Variants in C1orf21 observed in about 807,000 individuals in gnomAD.
The protein encoded by C1orf21 is uncharacterized protein C1orf21.
A neutral mutation model predicts 18.7 loss-of-function variants in C1orf21; 3 were observed. That is an observed-to-expected ratio of 0.16 (90% CI 0.07 to 0.42). The LOEUF is 0.42. C1orf21 is among the 10% of genes least tolerant of loss of function. The pLI, the probability that C1orf21 is intolerant of heterozygous loss-of-function variation, is 0.99. For synonymous variants in C1orf21, 41 were observed against 46.4 expected (o/e 0.88, Z 0.47); for missense variants, 104 against 143.6 (o/e 0.72, Z 1.41).
At chr1:184,612,224 C>T (rs1013356369) in intron 5 of C1orf21, among the ~76,000 whole-genome samples, 4 of 152,182 alleles carry the variant, frequency 2.6e-5, no homozygotes, top group East Asian at 1.9e-4. Context: ...CAAGAGCCTG[C>T]TTTATCACAA....
rs1245411893 is a variant in C1orf21 at position 184,623,872 on chromosome 1, A to G, written c.*4316A>G. The G allele has an allele frequency of 1.3e-5, 2 of 152,612 alleles. No homozygotes were observed. The highest frequency in any genetic ancestry group is 2.4e-5 in the African/African-American group (1 of 41,452). 9.5% of individuals were successfully genotyped at this position (152,612 alleles called of 1,614,324 possible). ...GGACAAACCTTAGGACTCACAAGCT[A>G]TGCCATGTTTTTCAGGAGACTCTTG... On this transcript the variant is annotated 3_prime_UTR_variant, in exon 6 of 6. Transcript: ENST00000235307.
At chr1:184,518,727 T>C (rs1341507212) in intron 3 of C1orf21, among the ~76,000 whole-genome samples, 1 of 152,116 alleles carries the variant, frequency 6.6e-6, no homozygotes, top group Non-Finnish European at 1.5e-5. Context: ...TTCAGTGTAC[T>C]CTCACTGCCA....
intron 4 of C1orf21, among the ~76,000 whole-genome samples, chr1:184,596,418 A>G (rs1659513355): frequency 1.3e-5 from 2 of 152,160 alleles, no homozygotes; most frequent in South Asian, 4.1e-4. Flanking sequence ...TGCTATATTC[A>G]AGGCAATATA....
intron 3 of C1orf21, among the ~76,000 whole-genome samples, chr1:184,549,742 C>T (rs1410677534): frequency 1.3e-5 from 2 of 151,922 alleles, no homozygotes; most frequent in Admixed American, 6.6e-5. Flanking sequence ...ATCACTTTTC[C>T]TTTTAATGAA....
intron 1 of C1orf21, among the ~76,000 whole-genome samples, chr1:184,418,998 A>C (rs750331946): frequency 5.3e-5 from 8 of 152,162 alleles, no homozygotes; most frequent in Non-Finnish European, 1.2e-4. Context: ...TTTTCTTTAC[A>C]TGAGTAAACT....
chr1:184,515,237 T>A lies in C1orf21; in HGVS notation c.189+7555T>A, dbSNP rs76954115. On this transcript the variant is annotated intron_variant, in intron 3 of 5. Transcript: ENST00000235307. Reference sequence around the variant, plus strand: ...GTGGTGGTTAAAGGGGATTTTTATCTTTAAACTTAATGCTTTTAATTTTTT... The same window carrying A: ...GTGGTGGTTAAAGGGGATTTTTATCATTAAACTTAATGCTTTTAATTTTTT... 9.9e-3 allele frequency among the ~76,000 whole-genome samples: 1,513 copies of A among 152,344 alleles called. 25 individuals are homozygous for A. Among genetic ancestry groups the A allele is most frequent in the African/African-American group, 0.033 (1,359 of 41,576 alleles).
chr1:184,466,737 A>T (rs1557979321), intron 1 of C1orf21, among the ~76,000 whole-genome samples: 1 of 150,444 alleles, frequency 6.6e-6, no homozygotes, highest in African/African-American at 2.4e-5. Flanking sequence ...AAAAACCTTG[A>T]TTTTTTTTTT....
intron 5 of C1orf21, among the ~76,000 whole-genome samples, chr1:184,616,696 GT>G (rs1659829512): frequency 6.9e-6 from 1 of 143,932 alleles, no homozygotes; most frequent in South Asian, 2.2e-4. Flanking sequence ...GTGCTTGTGT[GT>G]GCACACGTGT....
chr1:184,560,588 A>G (rs1008062435), intron 3 of C1orf21, among the ~76,000 whole-genome samples: 3 of 152,214 alleles, frequency 2.0e-5, no homozygotes, highest in African/African-American at 4.8e-5. Flanking sequence ...AGCTGAAAGA[A>G]TCATTGTTAG....
At chr1:184,452,633 G>A (rs1216427076) in intron 1 of C1orf21, among the ~76,000 whole-genome samples, 1 of 152,190 alleles carries the variant, frequency 6.6e-6, no homozygotes, top group Non-Finnish European at 1.5e-5. Flanking sequence ...CATCTGTGTG[G>A]TCAATGGCTC....
At chr1:184,596,467 G>A (rs182055324) in intron 4 of C1orf21, among the ~76,000 whole-genome samples, 6 of 152,124 alleles carry the variant, frequency 3.9e-5, no homozygotes, top group Admixed American at 6.6e-5. Flanking sequence ...CACAATGAAC[G>A]TCAAATCCTA....
intron 3 of C1orf21, among the ~76,000 whole-genome samples, chr1:184,576,131 CT>C (rs200624324): frequency 0.064 from 9,167 of 144,320 alleles, 365 homozygotes; most frequent in African/African-American, 0.11. Context: ...CTTTTTTTTT[CT>C]TTTTTTTTTT....
intron 1 of C1orf21, among the ~76,000 whole-genome samples, chr1:184,433,120 C>G (rs1326452451): frequency 6.6e-6 from 1 of 152,200 alleles, no homozygotes; most frequent in Non-Finnish European, 1.5e-5. Context: ...TGGCCATCCC[C>G]TGTTGGCCTC....
At chr1:184,488,136 A>T (rs185019271) in intron 2 of C1orf21, among the ~76,000 whole-genome samples, 267 of 152,290 alleles carry the variant, frequency 1.8e-3, no homozygotes, top group African/African-American at 6.2e-3. Context: ...AGATTTTAAG[A>T]TATGTGTGTT....
At chr1:184,544,848 C>G (rs1398723342) in intron 3 of C1orf21, among the ~76,000 whole-genome samples, 3 of 152,176 alleles carry the variant, frequency 2.0e-5, no homozygotes, top group Non-Finnish European at 4.4e-5. Context: ...ACTTCCCAAG[C>G]ACACTCATGT....
Position 184,623,802 on chromosome 1 carries a change from T to A in C1orf21, c.*4246T>A, listed in dbSNP as rs1231478348. 2 of 152,438 alleles carry A rather than the reference T, an allele frequency of 1.3e-5. No homozygotes were observed. The highest frequency in any genetic ancestry group is 3.9e-4 in the East Asian group (2 of 5,192). 9.4% of individuals were successfully genotyped at this position (152,438 alleles called of 1,614,324 possible). On this transcript the variant is annotated 3_prime_UTR_variant, in exon 6 of 6. Transcript: ENST00000235307. ...CTTTTTGTATGTCTCTAGAAAGGGG[T>A]CAAAAAACTATGGTAAAGATGAGGC...
At chr1:184,603,987 A>G (rs1659618563) in intron 5 of C1orf21, among the ~76,000 whole-genome samples, 1 of 152,200 alleles carries the variant, frequency 6.6e-6, no homozygotes, top group Non-Finnish European at 1.5e-5. Context: ...AGAATTGTCT[A>G]CTGACAGTAC....
intron 3 of C1orf21, chr1:184,566,718 C>A: frequency 2.6e-6 from 1 of 378,636 alleles, no homozygotes; most frequent in Non-Finnish European, 5.3e-6. Context: ...TCAGAAGAAA[C>A]CAAGCCATCT....
intron 1 of C1orf21, among the ~76,000 whole-genome samples, chr1:184,427,867 C>A (rs1488644264): frequency 6.6e-6 from 1 of 152,174 alleles, no homozygotes; most frequent in Non-Finnish European, 1.5e-5. Context: ...CACAGCCATC[C>A]TGACATTCTT....
Sources: gnomAD v4.1 joint callset for allele counts (sites outside exome capture counted in the v4.1 genomes callset) on GRCh38, gnomAD v4.1.1 for gene constraint, MANE v1.5 for transcripts, NCBI Gene and HGNC (gene_info 2026-07-23, HGNC 2026-07-21) for gene names.